The following DCLK3 variants were observed in gnomAD, a reference collection of about 807,000 sequenced individuals.
DCLK3 encodes doublecortin like kinase 3.
DCLK3 carries 30 observed loss-of-function variants against 46.4 expected under a neutral mutation model. That is an observed-to-expected ratio of 0.65 (90% CI 0.48 to 0.88). DCLK3 has a LOEUF of 0.88. Among genes scored for constraint, DCLK3 ranks in the 40% least tolerant of loss-of-function variants. The pLI is 0.00. For missense variants in DCLK3, 846 were observed against 907.1 expected (o/e 0.93, Z 0.87); for synonymous variants, 401 against 339.2 (o/e 1.18, Z -2.00).
At chr3:36,725,965 T>C (rs1024500877) in intron 2 of DCLK3, among the ~76,000 whole-genome samples, 2 of 152,202 alleles carry the variant, frequency 1.3e-5, no homozygotes, top group Admixed American at 6.5e-5. Flanking sequence ...TAGTATGTCC[T>C]GTCCTCCTCC....
Position 36,738,585 on chromosome 3 carries a change from G to A in DCLK3, c.582C>T (p.Ala194=). 7.1e-7 allele frequency: 1 copy of A among 1,411,920 alleles called. No homozygotes were observed. Among genetic ancestry groups the A allele is most frequent in the Non-Finnish European group, 9.3e-7 (1 of 1,080,174 alleles). 87.5% of individuals were successfully genotyped at this position (1,411,920 alleles called of 1,614,324 possible). Residue 194 remains alanine, a synonymous_variant, in exon 2 of 5, where the codon GCC becomes GCT. Transcript: ENST00000636136. ...CACGGCTGTGCTGGGCCAGTGTCAG[G>A]GCCCGGGCTTTGTTGGGGTACAGTT... ...VEELYPNKAR[A]LTLAQHSRAP...
chr3:36,748,294 C>G (rs1261794408), intron 1 of DCLK3, among the ~76,000 whole-genome samples: 1 of 152,222 alleles, frequency 6.6e-6, no homozygotes, highest in East Asian at 1.9e-4. Context: ...GCCTCTCCCC[C>G]TGTGCTCCCA....
chr3:36,718,004 T>C lies in DCLK3; in HGVS notation c.2260+6A>G. Reference sequence around the variant, plus strand: ...CTCTGCTGTGTGAGGAAGCCCCAAATCTCACCATCAGAGATATTGTCCCAG... The same window carrying C: ...CTCTGCTGTGTGAGGAAGCCCCAAACCTCACCATCAGAGATATTGTCCCAG... On this transcript the variant is annotated splice_donor_region_variant and intron_variant, in intron 4 of 4. Coordinates refer to ENST00000636136, the MANE Select transcript of DCLK3 (RefSeq NM_001394672.2). The C allele has an allele frequency of 6.2e-7, 1 of 1,613,978 alleles. No homozygotes were observed. Among genetic ancestry groups the C allele is most frequent in the Non-Finnish European group, 8.5e-7 (1 of 1,179,970 alleles).
At chr3:36,740,776 A>T (rs1487017878) in intron 1 of DCLK3, among the ~76,000 whole-genome samples, 1 of 152,236 alleles carries the variant, frequency 6.6e-6, no homozygotes, top group Non-Finnish European at 1.5e-5. Context: ...CCCATATGTC[A>T]TATCCTACAT....
chr3:36,718,380 G>T (rs1701012990), intron 3 of DCLK3, among the ~76,000 whole-genome samples: 1 of 152,184 alleles, frequency 6.6e-6, no homozygotes, highest in South Asian at 2.1e-4. Flanking sequence ...CTCAAAGTGT[G>T]GTCCATGGAT....
rs1287921928 is a variant in DCLK3, at chr3:36,764,061, G to C, written c.82+121C>G. On this transcript the variant is annotated intron_variant, in intron 1 of 4. Coordinates refer to ENST00000636136, the MANE Select transcript of DCLK3 (RefSeq NM_001394672.2). The surrounding 1 kb of genome is among the most constrained non-coding windows in gnomAD (Gnocchi z 4.9). The stretch of plus-strand genomic sequence containing the variant: ...ACACAGTCCTCCGTACACCCACGCG[G>C]GGTCTGGCACTGCTGCTACATCCCG... The C allele has an allele frequency of 4.7e-6, 1 of 212,372 alleles. No individual in the cohort carries two copies. Among genetic ancestry groups the C allele is most frequent in the Non-Finnish European group, 9.3e-6 (1 of 107,188 alleles). The allele number at this position is 212,372 out of a possible 1,614,324, so 13.2% of individuals were successfully genotyped here. A position where few individuals can be genotyped will look rare whatever the true frequency, so the allele number is the denominator to read the frequency against.
chr3:36,717,184 T>C (rs1015692868), intron 4 of DCLK3, among the ~76,000 whole-genome samples: 1 of 152,164 alleles, frequency 6.6e-6, no homozygotes, highest in Non-Finnish European at 1.5e-5. Context: ...GGCACAATCA[T>C]AGCTCACTGC....
chr3:36,732,865 T>C (rs140927591), intron 2 of DCLK3, among the ~76,000 whole-genome samples: 229 of 152,252 alleles, frequency 1.5e-3, no homozygotes, highest in African/African-American at 5.3e-3. Flanking sequence ...GTGACTACCA[T>C]AGCAATAATC....
Position 36,737,177 on chromosome 3 carries a change from C to A in DCLK3, c.1959+31G>T. The A allele has an allele frequency of 6.3e-7, 1 of 1,591,892 alleles. No homozygotes were observed. On this transcript the variant is annotated intron_variant, in intron 2 of 4. Transcript: ENST00000636136. This position sits in a 1 kb window ranked among gnomAD's most constrained non-coding sequence, Gnocchi z 4.4. ...TTTTATCCCATATTCTAAAAACACC[C>A]TCTCCCATATCATCAAAAGTCAAGG...
intron 1 of DCLK3, among the ~76,000 whole-genome samples, chr3:36,740,193 A>C (rs1485322877): frequency 6.6e-6 from 1 of 151,550 alleles, no homozygotes; most frequent in Non-Finnish European, 1.5e-5. Flanking sequence ...TTTTGTGAAG[A>C]ATAAATGATC....
chr3:36,751,352 T>C lies in DCLK3; in HGVS notation c.83-12268A>G, dbSNP rs561281426. Among the ~76,000 whole-genome samples the C allele has an allele frequency of 5.3e-5, 8 of 152,334 alleles. No individual in the cohort carries two copies. The South Asian group carries it at 1.7e-3, about 32-fold the overall frequency. On this transcript the variant is annotated intron_variant, in intron 1 of 4. Transcript: ENST00000636136. ...CAAGCAGTCCTCACTGCTGTGGGAA[T>C]CTGCATGGCCCCCACTAGCCCGTCC...
Position 36,738,228 on chromosome 3 carries a change from T to A in DCLK3, c.939A>T (p.Arg313Ser). 1 of 1,594,694 alleles carries A rather than the reference T, an allele frequency of 6.3e-7. No individual in the cohort carries two copies. The highest frequency in any genetic ancestry group is 8.5e-7 in the Non-Finnish European group (1 of 1,174,130). ...GEIIRCEKCK[R>S]ERELQQSLER... ...CCAGGCTCTGCTGGAGCTCCCTCTC[T>A]CTCTTGCACTTCTCGCATCTGATAA... is the stretch of plus-strand genomic sequence containing the variant. Residue 313 changes from arginine (R) to serine (S), a missense_variant, in exon 2 of 5, where the codon AGA becomes AGT. Coordinates refer to ENST00000636136, the MANE Select transcript of DCLK3 (RefSeq NM_001394672.2).
At chr3:36,726,175 A>G (rs1701123259) in intron 2 of DCLK3, among the ~76,000 whole-genome samples, 2 of 152,116 alleles carry the variant, frequency 1.3e-5, no homozygotes, top group Admixed American at 6.5e-5. Flanking sequence ...GCCGCCTGCC[A>G]TTAAATAAGT....
intron 1 of DCLK3, among the ~76,000 whole-genome samples, chr3:36,759,556 A>G (rs1251922845): frequency 6.6e-6 from 1 of 152,200 alleles, no homozygotes; most frequent in Non-Finnish European, 1.5e-5. Context: ...TACTGCAGCA[A>G]AGCTTAGAAA....
chr3:36,757,973 C>T (rs943064421), intron 1 of DCLK3, among the ~76,000 whole-genome samples: 7 of 152,286 alleles, frequency 4.6e-5, no homozygotes, highest in African/African-American at 1.7e-4. Flanking sequence ...CTCATCACAT[C>T]TTAGCTCAGC....
At chr3:36,720,562 T>C (rs1416461154) in intron 3 of DCLK3, among the ~76,000 whole-genome samples, 2 of 145,516 alleles carry the variant, frequency 1.4e-5, no homozygotes, top group African/African-American at 5.1e-5. Flanking sequence ...TGGAGTGCAA[T>C]GGCACGATCT....
chr3:36,761,448 T>C lies in DCLK3; in HGVS notation c.82+2734A>G, dbSNP rs552675793. 5.3e-5 allele frequency among the ~76,000 whole-genome samples: 8 copies of C among 152,244 alleles called. No homozygotes were observed. In the South Asian group the frequency reaches 1.7e-3, roughly 32 times the overall value. On this transcript the variant is annotated intron_variant, in intron 1 of 4. Coordinates refer to ENST00000636136, the MANE Select transcript of DCLK3 (RefSeq NM_001394672.2). Reference sequence around the variant, plus strand: ...TCCCCAATTCCCAGTACAGATGTCTTCTTCCCACTCTTTCACTTTCCCTAG... The same window carrying C: ...TCCCCAATTCCCAGTACAGATGTCTCCTTCCCACTCTTTCACTTTCCCTAG...
chr3:36,726,227 A>G (rs946297514), intron 2 of DCLK3, among the ~76,000 whole-genome samples: 4 of 152,106 alleles, frequency 2.6e-5, no homozygotes, highest in Non-Finnish European at 4.4e-5. Flanking sequence ...ACACAAGTCA[A>G]TACTCCAGCC....
chr3:36,762,953 T>C (rs1200009914), intron 1 of DCLK3, among the ~76,000 whole-genome samples: 1 of 152,152 alleles, frequency 6.6e-6, no homozygotes, highest in African/African-American at 2.4e-5. Context: ...TTTTTTTTTT[T>C]CTTCCTGAGG....
Sources: allele counts gnomAD v4.1 joint callset (sites outside exome capture counted in the v4.1 genomes callset), GRCh38; gene constraint gnomAD v4.1.1; non-coding constraint Gnocchi (gnomAD v3.1); transcripts MANE v1.5; gene names NCBI Gene and HGNC (gene_info 2026-07-23, HGNC 2026-07-21).